The following MACROD2 variants were observed in gnomAD, a reference collection of about 807,000 sequenced individuals.
The protein encoded by MACROD2 is ADP-ribose glycohydrolase MACROD2.
A neutral mutation model predicts 70.4 loss-of-function variants in MACROD2; 36 were observed. The ratio of observed to expected loss-of-function variants is 0.51; its 90% CI spans 0.39 to 0.68. The LOEUF (loss-of-function observed/expected upper bound fraction) is 0.68, where lower values mean the gene tolerates loss of function less well. MACROD2 is among the 30% of genes least tolerant of loss of function. MACROD2 has a pLI of 0.00. For synonymous variants in MACROD2, 172 were observed against 178.8 expected (o/e 0.96, Z 0.30); for missense variants, 496 against 538.4 (o/e 0.92, Z 0.78).
In MACROD2 at chr20:15,934,998, C is replaced by T. The variant is rs150942778; in HGVS notation, c.838+1660C>T. Among the ~76,000 whole-genome samples the T allele has an allele frequency of 7.6e-3, 686 of 90,052 alleles. 4 individuals carry two copies. Among genetic ancestry groups the T allele is most frequent in the African/African-American group, 0.025 (640 of 26,100 alleles). 59.1% of individuals were successfully genotyped at this position (90,052 alleles called of 152,430 possible). ...GCCACCACACCCAGGCCCAAAGTGT[C>T]CTTATCGAAAAAGATTGTTTCCATC... is the stretch of plus-strand genomic sequence containing the variant. On this transcript the variant is annotated intron_variant, in intron 11 of 17. Transcript: ENST00000684519.
At chr20:14,469,758 CT>C (rs2084504967) in intron 3 of MACROD2, among the ~76,000 whole-genome samples, 1 of 151,892 alleles carries the variant, frequency 6.6e-6, no homozygotes, top group Non-Finnish European at 1.5e-5. Context: ...AGTTCTCGTG[CT>C]GTGTTTTTCA....
chr20:14,922,221 A>G (rs2074172567), intron 5 of MACROD2, among the ~76,000 whole-genome samples: 1 of 152,176 alleles, frequency 6.6e-6, no homozygotes, highest in African/African-American at 2.4e-5. Flanking sequence ...TGCTTTATAC[A>G]TAGTCTAGGT....
At chr20:14,459,457 T>C (rs1453935511) in intron 3 of MACROD2, among the ~76,000 whole-genome samples, 1 of 152,000 alleles carries the variant, frequency 6.6e-6, no homozygotes, top group African/African-American at 2.4e-5. Flanking sequence ...ATCTGAAAGA[T>C]ATTTATATAT....
chr20:15,222,817 A>AT (rs1197690224), intron 5 of MACROD2, among the ~76,000 whole-genome samples: 4 of 152,168 alleles, frequency 2.6e-5, no homozygotes, highest in Non-Finnish European at 5.9e-5. Flanking sequence ...TTATGCTAAT[A>AT]TTTTTTCACA....
chr20:15,299,069 A>G (rs1214588296), intron 6 of MACROD2, among the ~76,000 whole-genome samples: 1 of 152,210 alleles, frequency 6.6e-6, no homozygotes, highest in Non-Finnish European at 1.5e-5. Context: ...AATAACTGGA[A>G]GTGATAAACT....
At chr20:15,788,148 G>T (rs2051962780) in intron 8 of MACROD2, among the ~76,000 whole-genome samples, 1 of 151,712 alleles carries the variant, frequency 6.6e-6, no homozygotes, top group African/African-American at 2.4e-5. Flanking sequence ...AAAGTCACTG[G>T]AATCATCGAT....
At chr20:15,787,407 C>G (rs1027204581) in intron 8 of MACROD2, among the ~76,000 whole-genome samples, 1 of 152,138 alleles carries the variant, frequency 6.6e-6, no homozygotes, top group Non-Finnish European at 1.5e-5. Context: ...TGAATCCCAT[C>G]ACTCAAATAG....
At chr20:15,471,298 G>T (rs2046961678) in intron 7 of MACROD2, among the ~76,000 whole-genome samples, 1 of 152,028 alleles carries the variant, frequency 6.6e-6, no homozygotes, top group South Asian at 2.1e-4. Flanking sequence ...CTAATCACTT[G>T]CCTACTACAT....
At chr20:15,443,105 A>C (rs1411279051) in intron 7 of MACROD2, among the ~76,000 whole-genome samples, 2 of 152,152 alleles carry the variant, frequency 1.3e-5, no homozygotes, top group African/African-American at 4.8e-5. Context: ...TTACATTCTA[A>C]TTCTGGCCCA....
intron 15 of MACROD2, among the ~76,000 whole-genome samples, chr20:15,992,018 G>T (rs751769662): frequency 7.8e-4 from 119 of 152,122 alleles, no homozygotes; most frequent in Admixed American, 1.6e-3. Flanking sequence ...AAATTATGCT[G>T]CATAACTGAC....
chr20:14,656,829 T>G (rs980460286), intron 4 of MACROD2, among the ~76,000 whole-genome samples: 5 of 152,194 alleles, frequency 3.3e-5, no homozygotes, highest in African/African-American at 1.2e-4. Context: ...TGAAAATTGA[T>G]GTCTGTCCTC....
At chr20:15,967,951 T>C (rs1011812826) in intron 13 of MACROD2, among the ~76,000 whole-genome samples, 1 of 152,154 alleles carries the variant, frequency 6.6e-6, no homozygotes, top group Admixed American at 6.6e-5. Context: ...ATATTTTCAT[T>C]GAAAAACATG....
At chr20:15,572,152 A>G (rs2048384589) in intron 8 of MACROD2, among the ~76,000 whole-genome samples, 1 of 152,144 alleles carries the variant, frequency 6.6e-6, no homozygotes, top group Non-Finnish European at 1.5e-5. Context: ...CACTGTACAA[A>G]TATGATTGAA....
At chr20:15,678,514 C>T (rs1426297419) in intron 8 of MACROD2, among the ~76,000 whole-genome samples, 1 of 152,040 alleles carries the variant, frequency 6.6e-6, no homozygotes, top group Non-Finnish European at 1.5e-5. Context: ...CGCCCGCCAC[C>T]ATGCCTGGCT....
At chr20:14,361,585 G>A (rs1477121198) in intron 3 of MACROD2, among the ~76,000 whole-genome samples, 1 of 152,138 alleles carries the variant, frequency 6.6e-6, no homozygotes, top group Non-Finnish European at 1.5e-5. Flanking sequence ...GGAGCTGCTG[G>A]TACTTCCCTC....
chr20:15,640,725 A>G (rs963444694), intron 8 of MACROD2, among the ~76,000 whole-genome samples: 7 of 152,154 alleles, frequency 4.6e-5, no homozygotes, highest in Non-Finnish European at 8.8e-5. Context: ...CTTCTCCTCA[A>G]ACTCTGGCCT....
At chr20:14,483,973 A>T (rs942513390) in intron 3 of MACROD2, among the ~76,000 whole-genome samples, 1 of 152,194 alleles carries the variant, frequency 6.6e-6, no homozygotes, top group Admixed American at 6.5e-5. Flanking sequence ...ATCTGTCAGA[A>T]ATTGAAACTA....
At chr20:15,475,079 A>G (rs2047005343) in intron 7 of MACROD2, among the ~76,000 whole-genome samples, 1 of 152,232 alleles carries the variant, frequency 6.6e-6, no homozygotes, top group Non-Finnish European at 1.5e-5. Context: ...TAGTATAGCA[A>G]CTATTAACAT....
At chr20:15,885,944 TA>T (rs2064817048) in intron 10 of MACROD2, 133 bp downstream of exon 10, 1 of 1,042,148 alleles carries the variant, frequency 9.6e-7, no homozygotes, top group South Asian at 1.9e-5. Context: ...GTTATAAAAT[TA>T]AAAAGTAGTT....
Sources: allele counts gnomAD v4.1 joint callset (sites outside exome capture counted in the v4.1 genomes callset), GRCh38; gene constraint gnomAD v4.1.1; transcripts MANE v1.5; gene names NCBI Gene and HGNC (gene_info 2026-07-23, HGNC 2026-07-21).